GRIN2C: variants seen among roughly 807,000 people sequenced by gnomAD.
GRIN2C encodes glutamate receptor ionotropic, NMDA 2C.
A neutral mutation model predicts 77.7 loss-of-function variants in GRIN2C; 64 were observed. That is an observed-to-expected ratio of 0.82 (90% CI 0.67 to 1.01). The LOEUF is 1.01. Ranked by LOEUF, GRIN2C falls within the 50% of genes least tolerant of loss-of-function variation. GRIN2C has a pLI of 0.00. For synonymous variants in GRIN2C, 792 were observed against 643.4 expected (o/e 1.23, Z -3.49); for missense variants, 1,549 against 1,486.0 (o/e 1.04, Z -0.70).
chr17:74,860,068 G>A (rs2144629103), upstream of GRIN2C, among the ~76,000 whole-genome samples: 3 of 152,132 alleles, frequency 2.0e-5, no homozygotes, highest in Middle Eastern at 0.01. Context: ...CGCAGTGGGG[G>A]GACCAAGCCA....
chr17:74,853,973 C>G (rs1057218810), intron 2 of GRIN2C: 1 of 152,350 alleles, frequency 6.6e-6, no homozygotes, highest in Non-Finnish European at 1.5e-5. Flanking sequence ...AGGCCCCCGC[C>G]TCCTTCTCCA....
chr17:74,851,325 G>A (rs551754447), intron 4 of GRIN2C: 38 of 475,004 alleles, frequency 8.0e-5, no homozygotes, highest in Admixed American at 4.3e-4. Context: ...GGCAGGACCA[G>A]GAGATAGGAG....
rs1567903655 is a variant in GRIN2C, at chr17:74,859,792, C to G, written c.-64G>C. 1 of 153,062 alleles carries G rather than the reference C, an allele frequency of 6.5e-6. No individual in the cohort carries two copies. The highest frequency in any genetic ancestry group is 1.5e-5 in the Non-Finnish European group (1 of 68,112). 9.5% of individuals were successfully genotyped at this position (153,062 alleles called of 1,614,324 possible). On this transcript the variant is annotated 5_prime_UTR_variant, in exon 1 of 13. It removes an upstream start codon present in the reference 5' UTR. Coordinates refer to ENST00000293190, the MANE Select transcript of GRIN2C (RefSeq NM_000835.6). The surrounding 1 kb of genome is among the most constrained non-coding windows in gnomAD (Gnocchi z 5.9). ...ATTTTTAGGCCGGCGATAAATAATT[C>G]ATAGGGAACGTGGCATCAGGCTCCC...
intron 1 of GRIN2C, among the ~76,000 whole-genome samples, chr17:74,855,312 G>A (rs976094538): frequency 6.6e-6 from 1 of 152,198 alleles, no homozygotes; most frequent in Non-Finnish European, 1.5e-5. Flanking sequence ...AGCATCCCAA[G>A]GGCATCCCAG....
rs776271768 is a variant in GRIN2C at position 74,844,263 on chromosome 17, G to T, written c.2583+13C>A. On this transcript the variant is annotated intron_variant, in intron 12 of 12. Coordinates refer to ENST00000293190, the MANE Select transcript of GRIN2C (RefSeq NM_000835.6). ...TAAAACTTTGGCCTGTGTGGGGAGGGGTGGGCACCCACCCTGCTGAAAGCC... is the reference window on the plus strand; with the variant it reads ...TAAAACTTTGGCCTGTGTGGGGAGGTGTGGGCACCCACCCTGCTGAAAGCC... 1 of 1,613,140 alleles carries T rather than the reference G, an allele frequency of 6.2e-7. No homozygotes were observed. The highest frequency in any genetic ancestry group is 1.3e-5 in the African/African-American group (1 of 74,898).
chr17:74,851,883 C>T, intron 3 of GRIN2C, 130 bp downstream of exon 3: 1 of 737,102 alleles, frequency 1.4e-6, no homozygotes, highest in Non-Finnish European at 2.2e-6. Context: ...AAGGCCCAGA[C>T]AGGTGGGGTA....
Position 74,846,361 on chromosome 17 carries a change from G to T in GRIN2C, c.2163-108C>A. 2 of 908,686 alleles carry T rather than the reference G, an allele frequency of 2.2e-6. No individual in the cohort carries two copies. Among genetic ancestry groups the T allele is most frequent in the Non-Finnish European group, 3.4e-6 (2 of 581,054 alleles). The allele number at this position is 908,686 out of a possible 1,614,324, so 56.3% of individuals were successfully genotyped here. On this transcript the variant is annotated intron_variant, in intron 10 of 12. Transcript: ENST00000293190. The surrounding 1 kb of genome is among the most constrained non-coding windows in gnomAD (Gnocchi z 4.4). ...CCACATGAGCCTGCTGGGCACCCCC[G>T]GGAGGGACCAATGGGCAGAGACTTG...
chr17:74,847,670 G>A lies in GRIN2C; in HGVS notation c.1772-133C>T, dbSNP rs980129078. On this transcript the variant is annotated intron_variant, in intron 8 of 12. Transcript: ENST00000293190. This position sits in a 1 kb window ranked among gnomAD's most constrained non-coding sequence, Gnocchi z 5.2. ...GGGGACGCGTCCTGGCCATTCCCTC[G>A]CCAGGTGAAGTGAGCTCACGTGTGT... 14 of 861,992 alleles carry A rather than the reference G, an allele frequency of 1.6e-5. No homozygotes were observed. Among genetic ancestry groups the A allele is most frequent in the African/African-American group, 1.0e-4 (6 of 59,572 alleles). The allele number at this position is 861,992 out of a possible 1,614,324, so 53.4% of individuals were successfully genotyped here.
At chr17:74,851,487 A>T in intron 4 of GRIN2C, 90 bp downstream of exon 4, 1 of 725,960 alleles carries the variant, frequency 1.4e-6, no homozygotes, top group South Asian at 1.6e-5. Flanking sequence ...GATAAGGGAC[A>T]GAGGGACTCT....
At chr17:74,851,474 T>G in intron 4 of GRIN2C, 103 bp downstream of exon 4, 1 of 654,868 alleles carries the variant, frequency 1.5e-6, no homozygotes, top group Non-Finnish European at 2.7e-6. Context: ...AGATGAGGGG[T>G]TGGATAAGGG....
chr17:74,844,519 G>C lies in GRIN2C; in HGVS notation c.2351-11C>G, dbSNP rs763220355. 1 of 1,612,492 alleles carries C rather than the reference G, an allele frequency of 6.2e-7. No individual in the cohort carries two copies. The highest frequency in any genetic ancestry group is 8.5e-7 in the Non-Finnish European group (1 of 1,178,686). ...GTTTCTGTGTCTCTCCTGGAGTTGG[G>C]GGGTGTACACATCTGGCTCAGGAAA... On this transcript the variant is annotated splice_polypyrimidine_tract_variant and intron_variant, in intron 11 of 12. Coordinates refer to ENST00000293190, the MANE Select transcript of GRIN2C (RefSeq NM_000835.6).
In GRIN2C at chr17:74,852,607, G is replaced by A. The variant is rs775735757; in HGVS notation, c.404C>T (p.Pro135Leu). The A allele has an allele frequency of 2.4e-6, 3 of 1,235,068 alleles. No individual in the cohort carries two copies. The highest frequency in any genetic ancestry group is 3.7e-5 in the African/African-American group (1 of 26,992). 76.5% of individuals were successfully genotyped at this position (1,235,068 alleles called of 1,614,324 possible). A position where few individuals can be genotyped will look rare whatever the true frequency, so the allele number is the denominator to read the frequency against. The part of the protein sequence containing the change: ...GSAVVLTPKE[P>L]GSAFLQLGVS... The stretch of plus-strand genomic sequence containing the variant: ...GCCCAGCTGCAGGAAGGCGGAGCCC[G>A]GCTCCTGGGGGCGGGCGGGGCCTGA... Residue 135 changes from proline to leucine, a missense_variant, in exon 3 of 13, where the codon CCG (proline) becomes CTG (leucine). Pro to Leu is a moderately conservative substitution (Grantham distance 98). This residue lies in a region of GRIN2C where 382 missense variants were observed against 360.0 expected (regional missense o/e 1.06). Transcript: ENST00000293190.
intron 7 of GRIN2C, among the ~76,000 whole-genome samples, chr17:74,848,846 G>A (rs1391432833): frequency 6.6e-6 from 1 of 152,068 alleles, no homozygotes; most frequent in Admixed American, 6.6e-5. Context: ...GTGAAAACCT[G>A]TCTCTACACA....
intron 3 of GRIN2C, 27 bp downstream of exon 3, chr17:74,851,986 A>T: frequency 6.9e-7 from 1 of 1,453,090 alleles, no homozygotes; most frequent in Non-Finnish European, 9.1e-7. Context: ...CCACCTCCCT[A>T]CCCCTATGCC....
Position 74,846,986 on chromosome 17 carries a change from ACC to A in GRIN2C, c.2002-68_2002-67del. Reference sequence around the variant, plus strand: ...AGCCTTCCAGGCACCAAAGCCCCAAACCCACCCCAGAGCCCAGCCCCAGTGTG... The same window carrying A: ...AGCCTTCCAGGCACCAAAGCCCCAAACACCCCAGAGCCCAGCCCCAGTGTG... On this transcript the variant is annotated intron_variant, in intron 9 of 12. Transcript: ENST00000293190. This position sits in a 1 kb window ranked among gnomAD's most constrained non-coding sequence, Gnocchi z 4.4. 6.5e-7 allele frequency: 1 copy of A among 1,534,194 alleles called. No individual in the cohort carries two copies. Among genetic ancestry groups the A allele is most frequent in the Non-Finnish European group, 8.8e-7 (1 of 1,131,566 alleles).
intron 4 of GRIN2C, 48 bp downstream of exon 4, chr17:74,851,529 G>T: frequency 9.1e-7 from 1 of 1,097,426 alleles, no homozygotes; most frequent in Non-Finnish European, 1.4e-6. Context: ...AGGAGGCGGG[G>T]ACAAAATAAG....
At chr17:74,851,812 A>G in intron 3 of GRIN2C, 121 bp from the exon 4 acceptor site, 1 of 723,532 alleles carries the variant, frequency 1.4e-6, no homozygotes, top group Non-Finnish European at 2.4e-6. Flanking sequence ...GTGCTTCCCT[A>G]TATTGGCCCC....
chr17:74,851,845 A>T, intron 3 of GRIN2C, 154 bp from the exon 4 acceptor site: 2 of 691,474 alleles, frequency 2.9e-6, no homozygotes, highest in Non-Finnish European at 5.0e-6. Context: ...ACACCCTGAC[A>T]CCTGCTGTTT....
chr17:74,852,325 G>T lies in GRIN2C; in HGVS notation c.686C>A (p.Ser229Ter), dbSNP rs940247973. The change falls in exon 3 of 13, where the codon TCG (serine) becomes TAG (stop). Residue 229 changes from serine to a stop codon, truncating the protein, a stop_gained. Transcript: ENST00000293190. LOFTEE classifies it high-confidence loss of function. ...GAAGAGCACCTCGGCCTCCTCGCGC[G>T]AGCAGTAGGCCACAAACACGGGCGC... is the stretch of plus-strand genomic sequence containing the variant. ...LDAPVFVAYC[S>*]REEAEVLFAE... The T allele has an allele frequency of 1.4e-6, 2 of 1,455,536 alleles. No homozygotes were observed. Among genetic ancestry groups the T allele is most frequent in the East Asian group, 5.8e-5 (2 of 34,384 alleles). The allele number at this position is 1,455,536 out of a possible 1,614,324, so 90.2% of individuals were successfully genotyped here. A position where few individuals can be genotyped will look rare whatever the true frequency, so the allele number is the denominator to read the frequency against.
Sources: gnomAD v4.1 joint callset for allele counts (sites outside exome capture counted in the v4.1 genomes callset) on GRCh38, gnomAD v4.1.1 for gene constraint, gnomAD v4.1.1 regional missense constraint, Gnocchi (gnomAD v3.1) non-coding constraint, MANE v1.5 for transcripts, NCBI Gene and HGNC (gene_info 2026-07-23, HGNC 2026-07-21) for gene names.